RAB28: variants seen among roughly 807,000 people sequenced by gnomAD.
RAB28 encodes the protein ras-related protein Rab-28.
A neutral mutation model predicts 31.7 loss-of-function variants in RAB28; 24 were observed. That is an observed-to-expected ratio of 0.76 (90% CI 0.55 to 1.06). RAB28 has a LOEUF of 1.06. Ranked by LOEUF, RAB28 falls within the 50% of genes least tolerant of loss-of-function variation. The pLI, the probability that RAB28 is intolerant of heterozygous loss-of-function variation, is 0.00. For missense variants in RAB28, 254 were observed against 258.5 expected (o/e 0.98, Z 0.12); for synonymous variants, 100 against 90.4 (o/e 1.11, Z -0.60).
chr4:13,375,768 A>ACACACAC (rs1728894857), intron 6 of RAB28, among the ~76,000 whole-genome samples: 3 of 148,068 alleles, frequency 2.0e-5, no homozygotes, highest in African/African-American at 7.5e-5. Context: ...ATTGTTTTAA[A>ACACACAC]ACACACACAC....
rs371141289 is a variant in RAB28, at chr4:13,393,649, A to T, written c.392-12055T>A. ...ATGACAAAAAATGTTACCCTCCTAT[A>T]GGTTTTCTGATTATGACATTTTCTT... On this transcript the variant is annotated intron_variant, in intron 4 of 6. Coordinates refer to ENST00000330852, the MANE Select transcript of RAB28 (RefSeq NM_001017979.3). Among the ~76,000 whole-genome samples the T allele has an allele frequency of 6.6e-5, 10 of 152,096 alleles. No individual in the cohort carries two copies. The East Asian group carries it at 1.7e-3, about 26-fold the overall frequency.
intron 4 of RAB28, among the ~76,000 whole-genome samples, chr4:13,381,814 A>G (rs1214340859): frequency 1.3e-5 from 2 of 152,148 alleles, no homozygotes; most frequent in Non-Finnish European, 2.9e-5. Flanking sequence ...TTGATAATTA[A>G]TCTATGTATA....
chr4:13,381,602 G>C lies in RAB28; in HGVS notation c.392-8C>G, dbSNP rs1168953895. ...GCATATGCTCCAAATCAACTAGAAA[G>C]GTGTTAAAGAAAGAAAATAATTCAA... On this transcript the variant is annotated splice_polypyrimidine_tract_variant and splice_region_variant and intron_variant, in intron 4 of 6. Transcript: ENST00000330852. The C allele has an allele frequency of 6.3e-7, 1 of 1,592,492 alleles. No homozygotes were observed. Among genetic ancestry groups the C allele is most frequent in the East Asian group, 2.2e-5 (1 of 44,646 alleles).
intron 4 of RAB28, among the ~76,000 whole-genome samples, chr4:13,385,774 G>C (rs938494643): frequency 1.6e-4 from 25 of 152,038 alleles, no homozygotes; most frequent in African/African-American, 6.0e-4. Context: ...ACACAAAAAA[G>C]TCTGCATAAT....
chr4:13,392,418 A>G (rs9999092), intron 4 of RAB28, among the ~76,000 whole-genome samples: 7,983 of 152,304 alleles, frequency 0.052, 419 homozygotes, highest in African/African-American at 0.14. Flanking sequence ...ATGATAGATT[A>G]TATACAAGAA....
intron 5 of RAB28, among the ~76,000 whole-genome samples, chr4:13,379,745 G>A (rs1030097830): frequency 6.6e-6 from 1 of 152,008 alleles, no homozygotes; most frequent in African/African-American, 2.4e-5. Flanking sequence ...TGACTAAGGT[G>A]GCATCAGGGA....
chr4:13,430,334 T>C (rs1713745010), intron 4 of RAB28, among the ~76,000 whole-genome samples: 1 of 152,030 alleles, frequency 6.6e-6, no homozygotes, highest in East Asian at 1.9e-4. Context: ...TCTGTTGGAA[T>C]GCCTAAAGGA....
intron 1 of RAB28, among the ~76,000 whole-genome samples, chr4:13,482,713 G>A (rs770991508): frequency 4.6e-5 from 7 of 152,088 alleles, no homozygotes; most frequent in Non-Finnish European, 7.4e-5. Context: ...ACGTTTAAAG[G>A]TAATCAGAGC....
At chr4:13,450,249 A>T (rs1198447730) in intron 4 of RAB28, among the ~76,000 whole-genome samples, 1 of 151,880 alleles carries the variant, frequency 6.6e-6, no homozygotes, top group East Asian at 1.9e-4. Flanking sequence ...ACAAGTTAGG[A>T]TTTAAGAAGC....
At chr4:13,393,977 G>T (rs1273073971) in intron 4 of RAB28, among the ~76,000 whole-genome samples, 1 of 152,018 alleles carries the variant, frequency 6.6e-6, no homozygotes, top group Admixed American at 6.6e-5. Context: ...AAGCACAAGG[G>T]ATAAATTAGG....
intron 4 of RAB28, among the ~76,000 whole-genome samples, chr4:13,397,777 T>C (rs771274345): frequency 6.6e-6 from 1 of 152,152 alleles, no homozygotes; most frequent in Non-Finnish European, 1.5e-5. Context: ...CTGCCAGATA[T>C]TCATTTGTTA....
intron 4 of RAB28, among the ~76,000 whole-genome samples, chr4:13,405,544 C>T (rs1002270973): frequency 7.9e-5 from 12 of 152,104 alleles, no homozygotes; most frequent in Non-Finnish European, 1.6e-4. Flanking sequence ...AGATTAAAAA[C>T]TTTAAATCAG....
At chr4:13,427,353 T>C (rs1028829293) in intron 4 of RAB28, among the ~76,000 whole-genome samples, 9 of 152,234 alleles carry the variant, frequency 5.9e-5, no homozygotes, top group East Asian at 1.9e-4. Context: ...TATAATGCAA[T>C]TGATTTCACA....
At chr4:13,407,009 C>T (rs1712133339) in intron 4 of RAB28, among the ~76,000 whole-genome samples, 1 of 152,142 alleles carries the variant, frequency 6.6e-6, no homozygotes, top group African/African-American at 2.4e-5. Flanking sequence ...TTAATTAGAT[C>T]ACATTTGTCA....
chr4:13,421,343 T>C (rs543956996), intron 4 of RAB28, among the ~76,000 whole-genome samples: 27 of 152,328 alleles, frequency 1.8e-4, no homozygotes, highest in African/African-American at 6.3e-4. Context: ...AGGTGATTTA[T>C]AGATTCAATG....
chr4:13,381,625 C>G (rs779621643), intron 4 of RAB28, 31 bp from the exon 5 acceptor site: 1 of 1,501,744 alleles, frequency 6.7e-7, no homozygotes, highest in East Asian at 2.3e-5. Context: ...GAAAATAATT[C>G]AATATTAGAG....
At chr4:13,398,770 T>A (rs1577174145) in intron 4 of RAB28, among the ~76,000 whole-genome samples, 1 of 139,530 alleles carries the variant, frequency 7.2e-6, no homozygotes, top group Non-Finnish European at 1.5e-5. Flanking sequence ...AGAGCAAGAC[T>A]CCGTTTCAAA....
chr4:13,417,917 G>A (rs927587676), intron 4 of RAB28, among the ~76,000 whole-genome samples: 1 of 152,226 alleles, frequency 6.6e-6, no homozygotes, highest in African/African-American at 2.4e-5. Flanking sequence ...GCTGACAGAA[G>A]CAGGCTTCAG....
intron 4 of RAB28, among the ~76,000 whole-genome samples, chr4:13,408,845 G>C (rs1210373890): frequency 6.6e-6 from 1 of 152,036 alleles, no homozygotes; most frequent in East Asian, 1.9e-4. Context: ...CACTCCATCA[G>C]TGTTTTAGAA....
Sources: allele counts gnomAD v4.1 joint callset (sites outside exome capture counted in the v4.1 genomes callset), GRCh38; gene constraint gnomAD v4.1.1; transcripts MANE v1.5; gene names NCBI Gene and HGNC (gene_info 2026-07-23, HGNC 2026-07-21).